The following HMGCLL1 variants were observed in gnomAD, a reference collection of about 807,000 sequenced individuals.
HMGCLL1 encodes 3-hydroxymethyl-3-methylglutaryl-CoA lyase, cytoplasmic.
In HMGCLL1, 36 loss-of-function variants were observed where a neutral mutation model predicts 39.1. That is an observed-to-expected ratio of 0.92 (90% CI 0.71 to 1.22). HMGCLL1 has a LOEUF of 1.22. HMGCLL1 is among the 50% of genes most tolerant of loss of function. The pLI, the probability that HMGCLL1 is intolerant of heterozygous loss-of-function variation, is 0.00. For synonymous variants in HMGCLL1, 149 were observed against 144.0 expected (o/e 1.03, Z -0.25); for missense variants, 451 against 416.5 (o/e 1.08, Z -0.72).
intron 3 of HMGCLL1, among the ~76,000 whole-genome samples, chr6:55,518,262 T>C (rs184548423): frequency 2.2e-4 from 33 of 152,214 alleles, no homozygotes; most frequent in Admixed American, 1.1e-3. Flanking sequence ...CAAAGAAATA[T>C]ACTGGTTGTA....
At chr6:55,627,908 ACT>A in the HMGCLL1 span, among the ~76,000 whole-genome samples, 1,832 of 17,296 alleles carry the variant, frequency 0.11, 415 homozygotes, top group East Asian at 0.35. Context: ...TAGTATATAT[ACT>A]ATATATATAT....
At chr6:55,523,390 A>G (rs1354514362) in intron 3 of HMGCLL1, among the ~76,000 whole-genome samples, 1 of 152,026 alleles carries the variant, frequency 6.6e-6, no homozygotes, top group African/African-American at 2.4e-5. Context: ...TGACTGCTCT[A>G]TAGCAGTGAA....
chr6:55,470,921 C>A (rs953929684), intron 7 of HMGCLL1, among the ~76,000 whole-genome samples: 1 of 151,660 alleles, frequency 6.6e-6, no homozygotes, highest in Non-Finnish European at 1.5e-5. Flanking sequence ...AGGACAATTG[C>A]CCCCATGATC....
intron 1 of HMGCLL1, among the ~76,000 whole-genome samples, chr6:55,546,713 A>G (rs765652471): frequency 4.6e-5 from 7 of 152,138 alleles, no homozygotes; most frequent in Non-Finnish European, 1.0e-4. Context: ...TTGCATTTTA[A>G]TGTAGTCTGG....
the HMGCLL1 span, among the ~76,000 whole-genome samples, chr6:55,603,013 G>C: frequency 3.9e-5 from 6 of 152,050 alleles, no homozygotes; most frequent in African/African-American, 1.2e-4. Context: ...TGATGCTGCT[G>C]CTGTTCCAGA....
the HMGCLL1 span, among the ~76,000 whole-genome samples, chr6:55,667,933 A>G: frequency 6.7e-6 from 1 of 150,254 alleles, no homozygotes; most frequent in African/African-American, 2.4e-5. Context: ...AAGTTGTTTT[A>G]TGTTTTTTAT....
intron 7 of HMGCLL1, among the ~76,000 whole-genome samples, chr6:55,467,196 A>G (rs907106467): frequency 5.3e-5 from 8 of 152,096 alleles, no homozygotes; most frequent in African/African-American, 1.9e-4. Context: ...AAATTATGGC[A>G]TCAACTAATA....
At chr6:55,478,419 G>T (rs1403054702) in intron 7 of HMGCLL1, among the ~76,000 whole-genome samples, 3 of 151,296 alleles carry the variant, frequency 2.0e-5, no homozygotes, top group African/African-American at 7.3e-5. Context: ...AAATAAAATA[G>T]TATATATGAA....
At chr6:55,469,767 T>C (rs527911540) in intron 7 of HMGCLL1, among the ~76,000 whole-genome samples, 3 of 151,750 alleles carry the variant, frequency 2.0e-5, no homozygotes, top group Admixed American at 6.6e-5. Flanking sequence ...TTGATGCAGG[T>C]GCATATTCAT....
At chr6:55,632,035 T>A in the HMGCLL1 span, among the ~76,000 whole-genome samples, 2 of 152,140 alleles carry the variant, frequency 1.3e-5, no homozygotes, top group Non-Finnish European at 2.9e-5. Flanking sequence ...TTTTGTTTGT[T>A]TGTTTTGCTT....
intron 3 of HMGCLL1, among the ~76,000 whole-genome samples, chr6:55,528,870 T>C (rs1202399362): frequency 1.3e-5 from 2 of 152,016 alleles, no homozygotes; most frequent in African/African-American, 2.4e-5. Context: ...AGGAAGCATA[T>C]GACCCAAACT....
intron 1 of HMGCLL1, among the ~76,000 whole-genome samples, chr6:55,543,944 C>G (rs749488138): frequency 2.3e-4 from 35 of 152,084 alleles, no homozygotes; most frequent in Admixed American, 3.9e-4. Context: ...ATGCCACCCT[C>G]TCTACCTTGA....
At chr6:55,608,631 G>A in the HMGCLL1 span, among the ~76,000 whole-genome samples, 8 of 152,054 alleles carry the variant, frequency 5.3e-5, no homozygotes, top group South Asian at 1.4e-3. Flanking sequence ...TTCAATGTGT[G>A]TATGAAAATT....
At chr6:55,578,176 C>A (rs931047605) in intron 1 of HMGCLL1, among the ~76,000 whole-genome samples, 4 of 152,160 alleles carry the variant, frequency 2.6e-5, no homozygotes, top group Non-Finnish European at 4.4e-5. Context: ...CCTCACAGTG[C>A]TCCTCCTTTA....
chr6:55,597,379 G>A, the HMGCLL1 span, among the ~76,000 whole-genome samples: 86 of 152,084 alleles, frequency 5.7e-4, no homozygotes, highest in East Asian at 2.9e-3. Context: ...ATTTATAGAC[G>A]TTTTCTATCA....
At chr6:55,627,495 T>C in the HMGCLL1 span, among the ~76,000 whole-genome samples, 7 of 152,028 alleles carry the variant, frequency 4.6e-5, no homozygotes, top group Admixed American at 2.6e-4. Context: ...TGACAAGGGG[T>C]GGACTTGTGA....
chr6:55,524,841 A>G (rs1387586512), intron 3 of HMGCLL1, among the ~76,000 whole-genome samples: 2 of 151,858 alleles, frequency 1.3e-5, no homozygotes, highest in Non-Finnish European at 2.9e-5. Flanking sequence ...ACAAGGCTAA[A>G]CTTTACAGCA....
the HMGCLL1 span, among the ~76,000 whole-genome samples, chr6:55,645,174 AT>A: frequency 1.5e-4 from 23 of 150,814 alleles, no homozygotes; most frequent in African/African-American, 2.2e-4. Context: ...TGTAAATGAG[AT>A]TTTTTTTTAC....
chr6:55,566,156 G>A (rs183604529), intron 1 of HMGCLL1, among the ~76,000 whole-genome samples: 30 of 152,238 alleles, frequency 2.0e-4, no homozygotes, highest in Non-Finnish European at 3.4e-4. Context: ...GCCAGACTCT[G>A]TACACCCAGT....
Sources: gnomAD v4.1 joint callset for allele counts (sites outside exome capture counted in the v4.1 genomes callset) on GRCh38, gnomAD v4.1.1 for gene constraint, MANE v1.5 for transcripts, NCBI Gene and HGNC (gene_info 2026-07-23, HGNC 2026-07-21) for gene names.